The following LAP3 variants were observed in gnomAD, a reference collection of about 807,000 sequenced individuals.
The protein encoded by LAP3 is leucine aminopeptidase 3.
A neutral mutation model predicts 58.8 loss-of-function variants in LAP3; 46 were observed. The observed-to-expected ratio is 0.78, with a 90% confidence interval of 0.62 to 1.00. The LOEUF is 1.00. Among genes scored for constraint, LAP3 ranks in the 50% least tolerant of loss-of-function variants. The probability of loss-of-function intolerance (pLI) is 0.00; values close to 1 mark genes in which losing one functional copy is unlikely to be tolerated. For missense variants in LAP3, 615 were observed against 659.1 expected, an observed-to-expected ratio of 0.93 and a Z score of 0.73; for synonymous variants, 257 against 237.7, an observed-to-expected ratio of 1.08 and a Z score of -0.75.
intron 8 of LAP3, among the ~76,000 whole-genome samples, chr4:17,596,398 G>A (rs1053944576): frequency 1.3e-5 from 2 of 151,992 alleles, no homozygotes; most frequent in Non-Finnish European, 2.9e-5. Context: ...GGAGTGCAAT[G>A]GCGCGATCTT....
chr4:17,585,525 C>T (rs1347822089), intron 6 of LAP3: 2 of 167,444 alleles, frequency 1.2e-5, no homozygotes, highest in African/African-American at 4.9e-5. Context: ...TTCCTGGGCT[C>T]AGGCCTCCCA....
chr4:17,598,418 C>T (rs781775161), intron 9 of LAP3, 38 bp from the exon 10 acceptor site: 1 of 1,441,914 alleles, frequency 6.9e-7, no homozygotes, highest in South Asian at 1.1e-5. Context: ...ATATTCTTTA[C>T]TTGCGCTGTC....
At chr4:17,582,130 A>T (rs1248906255) in intron 3 of LAP3, 158 bp from the exon 4 acceptor site, 9 of 666,014 alleles carry the variant, frequency 1.4e-5, no homozygotes, top group Non-Finnish European at 2.1e-5. Context: ...GGTTTTAAGA[A>T]AAAAAAGCCA....
intron 2 of LAP3, 101 bp from the exon 3 acceptor site, chr4:17,581,659 A>C: frequency 1.3e-6 from 1 of 773,502 alleles, no homozygotes; most frequent in Non-Finnish European, 2.2e-6. Flanking sequence ...CCATGGAAGC[A>C]GTTAGCAGAA....
intron 10 of LAP3, among the ~76,000 whole-genome samples, chr4:17,603,040 GCTCACAC>G (rs1714018600): frequency 6.6e-6 from 1 of 150,846 alleles, no homozygotes; most frequent in African/African-American, 2.4e-5. Context: ...AGGCGCGATG[GCTCACAC>G]CTGTAATCCC....
At chr4:17,597,169 G>A in intron 9 of LAP3, 35 bp downstream of exon 9, 1 of 1,563,762 alleles carries the variant, frequency 6.4e-7, no homozygotes, top group Non-Finnish European at 8.8e-7. Flanking sequence ...TCCCCATCCA[G>A]CGTTCCTCAG....
intron 1 of LAP3, 25 bp from the exon 2 acceptor site, chr4:17,579,799 A>G (rs1713303136): frequency 1.5e-6 from 2 of 1,325,812 alleles, no homozygotes; most frequent in Non-Finnish European, 2.2e-6. Context: ...ATTCTATTAT[A>G]TTTACGTTTT....
chr4:17,587,066 G>A lies in LAP3; in HGVS notation c.705-1753G>A, dbSNP rs557494819. Among the ~76,000 whole-genome samples the A allele has an allele frequency of 2.2e-4, 33 of 152,248 alleles. No individual in the cohort carries two copies. In the South Asian group the frequency reaches 5.0e-3, roughly 23 times the overall value. On this transcript the variant is annotated intron_variant, in intron 6 of 12. Transcript: ENST00000226299. Reference sequence around the variant, plus strand: ...GGTTGCAGTGAGCTGAGATCGCACCGCTGCACTCCAGCCTGGGCGACAGAG... The same window carrying A: ...GGTTGCAGTGAGCTGAGATCGCACCACTGCACTCCAGCCTGGGCGACAGAG...
rs1162926960 is a variant in LAP3 at position 17,598,470 on chromosome 4, T to C, written c.1092T>C (p.Asp364=). 6.2e-7 allele frequency: 1 copy of C among 1,613,906 alleles called. No individual in the cohort carries two copies. The highest frequency in any genetic ancestry group is 1.3e-5 in the African/African-American group (1 of 75,044). ...ACCCTCTGCAGGTTGATAACACTGA[T>C]GCTGAGGGGAGGCTCATACTGGCTG... ...NGKTIQVDNT[D]AEGRLILADA... is the part of the protein sequence containing the mutation. The change falls in exon 10 of 13, where the codon GAT becomes GAC. Residue 364 remains aspartate, a synonymous_variant. Coordinates refer to ENST00000226299, the MANE Select transcript of LAP3 (RefSeq NM_015907.3).
chr4:17,585,363 T>C, intron 6 of LAP3: 1 of 381,684 alleles, frequency 2.6e-6, no homozygotes, highest in Non-Finnish European at 4.8e-6. Flanking sequence ...TATGTGTATA[T>C]TTCATAACTG....
intron 5 of LAP3, among the ~76,000 whole-genome samples, chr4:17,584,593 A>G (rs1046519519): frequency 1.3e-5 from 2 of 152,252 alleles, no homozygotes; most frequent in Non-Finnish European, 2.9e-5. Context: ...TTGGGGCTGC[A>G]GCATTCCTGA....
chr4:17,585,324 TGAGA>T, intron 6 of LAP3, 188 bp downstream of exon 6: 1 of 539,172 alleles, frequency 1.9e-6, no homozygotes, highest in South Asian at 2.2e-5. Flanking sequence ...TCCTTGCCTT[TGAGA>T]GAGAGAGTGC....
chr4:17,588,858 C>T lies in LAP3; in HGVS notation c.744C>T (p.Phe248=). The part of the protein sequence containing the change: ...SWIEEQAMGS[F]LSVAKGSDEP... ...TTGAGGAACAGGCAATGGGATCATT[C>T]CTCAGTGTGGCCAAAGGATCTGACG... Residue 248 remains phenylalanine (F), a synonymous_variant, in exon 7 of 13, where the codon TTC becomes TTT. Coordinates refer to ENST00000226299, the MANE Select transcript of LAP3 (RefSeq NM_015907.3). 1 of 1,614,052 alleles carries T rather than the reference C, an allele frequency of 6.2e-7. No individual in the cohort carries two copies. The highest frequency in any genetic ancestry group is 8.5e-7 in the Non-Finnish European group (1 of 1,180,018).
chr4:17,607,653 GAATA>G lies in LAP3; in HGVS notation c.*68_*71del. 1 of 1,215,712 alleles carries G rather than the reference GAATA, an allele frequency of 8.2e-7. No homozygotes were observed. The allele number at this position is 1,215,712 out of a possible 1,614,324, so 75.3% of individuals were successfully genotyped here. ...GGACAGTTGAACTTAAAAGGTTTTT[GAATA>G]AATGGATGAAAATCTTTTAACGGAG... On this transcript the variant is annotated 3_prime_UTR_variant, in exon 13 of 13. Transcript: ENST00000226299.
intron 3 of LAP3, 170 bp downstream of exon 3, chr4:17,581,984 C>T (rs1713377033): frequency 4.8e-6 from 3 of 626,782 alleles, no homozygotes; most frequent in Admixed American, 3.1e-5. Flanking sequence ...AAAACTACTG[C>T]CTATCTTATA....
chr4:17,586,703 A>G (rs573153074), intron 6 of LAP3, among the ~76,000 whole-genome samples: 15 of 152,238 alleles, frequency 9.9e-5, no homozygotes, highest in African/African-American at 2.6e-4. Flanking sequence ...GCACACCTCT[A>G]TTTGCAGCTA....
chr4:17,585,028 C>G lies in LAP3; in HGVS notation c.596C>G (p.Ala199Gly). 1 of 1,614,120 alleles carries G rather than the reference C, an allele frequency of 6.2e-7. No homozygotes were observed. Among genetic ancestry groups the G allele is most frequent in the Non-Finnish European group, 8.5e-7 (1 of 1,179,998 alleles). The change falls in exon 6 of 13, where the codon GCA (alanine) becomes GGA (glycine). Residue 199 changes from alanine (A) to glycine (G), a missense_variant. Ala to Gly is a moderately conservative substitution (Grantham distance 60, BLOSUM62 0). Coordinates refer to ENST00000226299, the MANE Select transcript of LAP3 (RefSeq NM_015907.3). ...CTGTTTGCTTCTGGGCAGAACTTGG[C>G]ACGCCAATTGATGGAGACGCCAGCC... is the stretch of plus-strand genomic sequence containing the variant. ...GVLFASGQNLARQLMETPANE... is the reference protein window; with the variant it reads ...GVLFASGQNLGRQLMETPANE...
chr4:17,594,395 G>T (rs540893290), intron 7 of LAP3, among the ~76,000 whole-genome samples: 1 of 152,316 alleles, frequency 6.6e-6, no homozygotes, highest in Non-Finnish European at 1.5e-5. Context: ...TGCTTCTGAG[G>T]TAAGTGAGAA....
rs1171677299 is a variant in LAP3, at chr4:17,607,655, A to G, written c.*66A>G. The G allele has an allele frequency of 8.2e-7, 1 of 1,218,606 alleles. No individual in the cohort carries two copies. The highest frequency in any genetic ancestry group is 1.5e-5 in the African/African-American group (1 of 65,534). The allele number at this position is 1,218,606 out of a possible 1,614,324, so 75.5% of individuals were successfully genotyped here. The stretch of plus-strand genomic sequence containing the variant: ...ACAGTTGAACTTAAAAGGTTTTTGA[A>G]TAAATGGATGAAAATCTTTTAACGG... On this transcript the variant is annotated 3_prime_UTR_variant, in exon 13 of 13. Coordinates refer to ENST00000226299, the MANE Select transcript of LAP3 (RefSeq NM_015907.3).
Sources: gnomAD v4.1 joint callset for allele counts (sites outside exome capture counted in the v4.1 genomes callset) on GRCh38, gnomAD v4.1.1 for gene constraint, MANE v1.5 for transcripts, NCBI Gene and HGNC (gene_info 2026-07-23, HGNC 2026-07-21) for gene names.